GRIK2: variants seen among roughly 807,000 people sequenced by gnomAD.
The protein encoded by GRIK2 is glutamate ionotropic receptor kainate type subunit 2, also known as glutamate receptor ionotropic, kainate 2.
In GRIK2, 32 loss-of-function variants were observed where a neutral mutation model predicts 100.3. The observed-to-expected ratio is 0.32, with a 90% CI of 0.24 to 0.43. The LOEUF (loss-of-function observed/expected upper bound fraction) is 0.43, where lower values mean the gene tolerates loss of function less well. GRIK2 is among the 20% of genes least tolerant of loss of function. The pLI, the probability that GRIK2 is intolerant of heterozygous loss-of-function variation, is 1.00. For synonymous variants in GRIK2, 417 were observed against 389.4 expected, an observed-to-expected ratio of 1.07 and a Z score of -0.83; for missense variants, 843 against 1,114.9, an observed-to-expected ratio of 0.76 and a Z score of 3.47.
At chr6:102,012,070 T>C (rs34549897) in intron 14 of GRIK2, among the ~76,000 whole-genome samples, 41,292 of 152,072 alleles carry the variant, frequency 0.27, 5,996 homozygotes, top group East Asian at 0.34. Context: ...TGTGTCTAGA[T>C]TCATTTTTCT....
chr6:101,781,646 G>A (rs555662463), intron 7 of GRIK2, among the ~76,000 whole-genome samples: 2 of 151,854 alleles, frequency 1.3e-5, no homozygotes, highest in South Asian at 2.1e-4. Context: ...ATATATGTTT[G>A]TATATGTGTG....
chr6:101,877,136 AAC>A (rs151191425), intron 11 of GRIK2, among the ~76,000 whole-genome samples: 2 of 151,362 alleles, frequency 1.3e-5, no homozygotes, highest in Non-Finnish European at 3.0e-5. Context: ...AACACAGACG[AAC>A]ACACACACAC....
At chr6:102,046,297 C>G (rs1770883347) in intron 15 of GRIK2, among the ~76,000 whole-genome samples, 1 of 152,012 alleles carries the variant, frequency 6.6e-6, no homozygotes, top group Non-Finnish European at 1.5e-5. Context: ...CAAGAAAATA[C>G]TGGGCTTGAA....
intron 7 of GRIK2, among the ~76,000 whole-genome samples, chr6:101,792,483 A>G (rs1354171097): frequency 6.6e-6 from 1 of 151,708 alleles, no homozygotes; most frequent in Non-Finnish European, 1.5e-5. Flanking sequence ...GTTTGGCTGG[A>G]TATGAAATTC....
At chr6:101,510,987 G>A (rs1328908922) in intron 2 of GRIK2, among the ~76,000 whole-genome samples, 2 of 152,116 alleles carry the variant, frequency 1.3e-5, no homozygotes, top group Non-Finnish European at 2.9e-5. Context: ...ACAAAGCATG[G>A]GGAGACTTTA....
chr6:101,998,659 G>T (rs1462768960), intron 14 of GRIK2, among the ~76,000 whole-genome samples: 1 of 152,052 alleles, frequency 6.6e-6, no homozygotes, highest in Non-Finnish European at 1.5e-5. Context: ...ACACGATAAA[G>T]GTATAGATGA....
intron 11 of GRIK2, among the ~76,000 whole-genome samples, chr6:101,885,727 A>G (rs1244587741): frequency 3.3e-5 from 5 of 152,124 alleles, no homozygotes; most frequent in Non-Finnish European, 5.9e-5. Context: ...GGTAAAAACA[A>G]CATATTGTTA....
At chr6:101,610,334 A>G (rs546569409) in intron 2 of GRIK2, among the ~76,000 whole-genome samples, 7 of 151,888 alleles carry the variant, frequency 4.6e-5, no homozygotes, top group Admixed American at 2.6e-4. Flanking sequence ...TTTTTATAAA[A>G]TATTAACTTG....
At chr6:101,494,214 C>G (rs1483305400) in intron 2 of GRIK2, among the ~76,000 whole-genome samples, 1 of 151,170 alleles carries the variant, frequency 6.6e-6, no homozygotes, top group Non-Finnish European at 1.5e-5. Context: ...AGTCACAGTA[C>G]ATAAATTTAC....
At chr6:101,883,383 C>A (rs962112930) in intron 11 of GRIK2, among the ~76,000 whole-genome samples, 1 of 151,310 alleles carries the variant, frequency 6.6e-6, no homozygotes, top group African/African-American at 2.4e-5. Context: ...TTTATTCATT[C>A]AAAAAATAGT....
intron 7 of GRIK2, among the ~76,000 whole-genome samples, chr6:101,737,652 A>C (rs910165172): frequency 1.3e-5 from 2 of 152,204 alleles, no homozygotes; most frequent in Non-Finnish European, 2.9e-5. Context: ...GGGGACACAG[A>C]TCCAAACAAT....
chr6:101,839,390 A>G (rs1275639142), intron 10 of GRIK2, among the ~76,000 whole-genome samples: 1 of 152,210 alleles, frequency 6.6e-6, no homozygotes. Context: ...TTTAGGATAT[A>G]TGAATAACTC....
At chr6:101,667,187 A>G (rs2128336453) in intron 4 of GRIK2, among the ~76,000 whole-genome samples, 1 of 152,186 alleles carries the variant, frequency 6.6e-6, no homozygotes, top group Admixed American at 6.6e-5. Flanking sequence ...GCTCTCCATG[A>G]CTTACCTACA....
intron 15 of GRIK2, among the ~76,000 whole-genome samples, chr6:102,042,652 C>CTT (rs1456047742): frequency 6.6e-6 from 1 of 151,564 alleles, no homozygotes; most frequent in Non-Finnish European, 1.5e-5. Flanking sequence ...TGGTCCAACT[C>CTT]TTATAATTCT....
At chr6:101,766,969 G>A (rs1318235847) in intron 7 of GRIK2, among the ~76,000 whole-genome samples, 9 of 152,132 alleles carry the variant, frequency 5.9e-5, no homozygotes, top group African/African-American at 9.7e-5. Flanking sequence ...TTAGACTGAT[G>A]TGGCTTTTAG....
intron 14 of GRIK2, among the ~76,000 whole-genome samples, chr6:102,026,811 T>C (rs901349858): frequency 6.6e-6 from 1 of 151,286 alleles, no homozygotes; most frequent in Non-Finnish European, 1.5e-5. Context: ...ACTGCCAGAA[T>C]TATCCCAAGG....
At position 101,858,059 on chromosome 6, in the gene GRIK2, C is replaced by T. The variant is rs114408696; in HGVS notation, c.1318-1228C>T. Among the ~76,000 whole-genome samples, 578 of 152,258 alleles carry T rather than the reference C, an allele frequency of 3.8e-3. 2 individuals carry two copies. The highest frequency in any genetic ancestry group is 0.013 in the African/African-American group (544 of 41,554). On this transcript the variant is annotated intron_variant, in intron 10 of 16. Transcript: ENST00000369134. ...CTTTCTCATCTGTTGGATTATACTT[C>T]GTCTCTTACCTTCTCTGAAAAGACT...
At chr6:101,656,876 A>T (rs1191200132) in intron 4 of GRIK2, among the ~76,000 whole-genome samples, 2 of 152,216 alleles carry the variant, frequency 1.3e-5, no homozygotes, top group Non-Finnish European at 2.9e-5. Context: ...ATAGATCCTT[A>T]ACATTTACTA....
In GRIK2 at chr6:101,801,387, C is replaced by A. The variant is rs147699641; in HGVS notation, c.1096-944C>A. On this transcript the variant is annotated intron_variant, in intron 8 of 16. Coordinates refer to ENST00000369134, the MANE Select transcript of GRIK2 (RefSeq NM_021956.5). ...AATATGTTTATGAATATGTATTAAA[C>A]TTTTTCTATTTCATTTGTAATTTAT... is the stretch of plus-strand genomic sequence containing the variant. Among the ~76,000 whole-genome samples the A allele has an allele frequency of 7.5e-3, 1,135 of 151,994 alleles. 7 individuals carry two copies. Among genetic ancestry groups the A allele is most frequent in the Non-Finnish European group, 9.8e-3 (663 of 67,900 alleles).
Sources: allele counts gnomAD v4.1 joint callset (sites outside exome capture counted in the v4.1 genomes callset), GRCh38; gene constraint gnomAD v4.1.1; transcripts MANE v1.5; gene names NCBI Gene and HGNC (gene_info 2026-07-23, HGNC 2026-07-21).